Variants in SPATA6L observed in about 807,000 individuals in gnomAD.
SPATA6L encodes the protein spermatogenesis associated 6-like protein.
Under a neutral mutation model 49.2 loss-of-function variants are expected in SPATA6L, and 68 were observed. That is an observed-to-expected ratio of 1.38 (90% CI 1.14 to 1.69). The LOEUF (loss-of-function observed/expected upper bound fraction) is 1.69. Among genes scored for constraint, SPATA6L ranks in the 40% most tolerant of loss-of-function variants. The probability of loss-of-function intolerance (pLI) is 0.00; values close to 1 mark genes in which losing one functional copy is unlikely to be tolerated. For synonymous variants in SPATA6L, 198 were observed against 165.7 expected (o/e 1.19, Z -1.50); for missense variants, 668 against 464.3 (o/e 1.44, Z -4.03).
intron 2 of SPATA6L, among the ~76,000 whole-genome samples, chr9:4,656,748 A>G (rs1467256175): frequency 6.6e-6 from 1 of 152,224 alleles, no homozygotes; most frequent in Non-Finnish European, 1.5e-5. Flanking sequence ...TGTTGCTAAA[A>G]GCCCATCTTA....
intron 3 of SPATA6L, among the ~76,000 whole-genome samples, chr9:4,646,882 C>T (rs1835502787): frequency 1.3e-5 from 2 of 152,008 alleles, no homozygotes; most frequent in Non-Finnish European, 2.9e-5. Flanking sequence ...AACTCATGGA[C>T]ACACAGAGGG....
chr9:4,590,958 G>T (rs2129936708), intron 13 of SPATA6L, among the ~76,000 whole-genome samples: 1 of 152,230 alleles, frequency 6.6e-6, no homozygotes, highest in South Asian at 2.1e-4. Context: ...TTCGCTTCGG[G>T]GCACTTGAGG....
chr9:4,648,447 C>T (rs1360640968), intron 3 of SPATA6L, among the ~76,000 whole-genome samples: 1 of 152,040 alleles, frequency 6.6e-6, no homozygotes, highest in African/African-American at 2.4e-5. Context: ...CGCCTGTAAT[C>T]CCAGCACTTT....
chr9:4,599,753 T>A lies in SPATA6L; in HGVS notation c.*1058A>T, dbSNP rs1822777706. Reference sequence around the variant, plus strand: ...AATCTCATTTATGAGGGGTCCACCCTCACAACCTCATCACCTCCCAAAAGG... The same window carrying A: ...AATCTCATTTATGAGGGGTCCACCCACACAACCTCATCACCTCCCAAAAGG... On this transcript the variant is annotated 3_prime_UTR_variant, in exon 12 of 12. Transcript: ENST00000682582. 6.6e-6 allele frequency among the ~76,000 whole-genome samples: 1 copy of A among 152,200 alleles called. No homozygotes were observed. The highest frequency in any genetic ancestry group is 2.1e-4 in the South Asian group (1 of 4,834).
chr9:4,657,142 A>C, intron 2 of SPATA6L, among the ~76,000 whole-genome samples: 1 of 152,328 alleles, frequency 6.6e-6, no homozygotes, highest in East Asian at 1.9e-4. Flanking sequence ...GCCCTAAGAA[A>C]AACAAAACAT....
At chr9:4,641,319 T>A (rs897045181) in intron 3 of SPATA6L, among the ~76,000 whole-genome samples, 10 of 152,106 alleles carry the variant, frequency 6.6e-5, no homozygotes, top group African/African-American at 2.4e-4. Context: ...GATATGAAAA[T>A]ATCCATGAAT....
At chr9:4,661,758 G>GGTTTTGCTTCAAGGCCGACTGCT in intron 2 of SPATA6L, 141 bp downstream of exon 2, 5 of 1,102,586 alleles carry the variant, frequency 4.5e-6, no homozygotes, top group South Asian at 3.7e-5. Context: ...TTCCGACTGC[G>GGTTTTGCTTCAAGGCCGACTGCT]GTTTTGCATT....
chr9:4,647,685 A>G (rs1423473908), intron 3 of SPATA6L, among the ~76,000 whole-genome samples: 1 of 152,130 alleles, frequency 6.6e-6, no homozygotes, highest in African/African-American at 2.4e-5. Flanking sequence ...ACCTATGTAG[A>G]ATGACAAGAA....
At chr9:4,590,257 G>C (rs1365286743) in intron 13 of SPATA6L, among the ~76,000 whole-genome samples, 1 of 152,132 alleles carries the variant, frequency 6.6e-6, no homozygotes, top group Non-Finnish European at 1.5e-5. Context: ...ATGGAATTGG[G>C]TGAGTGTACC....
chr9:4,646,053 T>G (rs1008453680), intron 3 of SPATA6L, among the ~76,000 whole-genome samples: 1 of 152,106 alleles, frequency 6.6e-6, no homozygotes, highest in African/African-American at 2.4e-5. Context: ...GCCTACAGGC[T>G]GGATTTGGCT....
At chr9:4,628,328 T>C (rs573744555) in intron 5 of SPATA6L, 1 of 159,754 alleles carries the variant, frequency 6.3e-6, no homozygotes, top group Non-Finnish European at 1.4e-5. Flanking sequence ...ATGTGATTAT[T>C]ACATACTGTA....
At position 4,598,434 on chromosome 9, in the gene SPATA6L, G is replaced by A. The variant is rs1283629898; in HGVS notation, c.*2377C>T. On this transcript the variant is annotated 3_prime_UTR_variant, in exon 12 of 12. Coordinates refer to ENST00000682582, the MANE Select transcript of SPATA6L (RefSeq NM_001353486.2). ...GCAAAATACTTCAACTGCAATCCTT[G>A]CCCCAGCATGATTCCTCAAAATTGA... Among the ~76,000 whole-genome samples, 2 of 152,094 alleles carry A rather than the reference G, an allele frequency of 1.3e-5. No homozygotes were observed. Among genetic ancestry groups the A allele is most frequent in the African/African-American group, 4.8e-5 (2 of 41,476 alleles).
intron 2 of SPATA6L, among the ~76,000 whole-genome samples, chr9:4,659,799 C>G (rs1839182750): frequency 6.6e-6 from 1 of 152,164 alleles, no homozygotes; most frequent in Non-Finnish European, 1.5e-5. Context: ...CTACAGTAAC[C>G]AAAACAGCAC....
At chr9:4,658,369 A>G (rs369733) in intron 2 of SPATA6L, among the ~76,000 whole-genome samples, 92,529 of 152,082 alleles carry the variant, frequency 0.61, 29,523 homozygotes, top group African/African-American at 0.81. Context: ...TCCGAGGAAA[A>G]GAAAATTTTT....
intron 2 of SPATA6L, 29 bp from the exon 3 acceptor site, chr9:4,656,118 T>C (rs1405832488): frequency 6.3e-7 from 1 of 1,594,508 alleles, no homozygotes; most frequent in African/African-American, 1.3e-5. Flanking sequence ...AAAATAAATT[T>C]TCAAAGTTGT....
At chr9:4,654,921 G>C (rs557570351) in intron 3 of SPATA6L, among the ~76,000 whole-genome samples, 1 of 152,220 alleles carries the variant, frequency 6.6e-6, no homozygotes, top group African/African-American at 2.4e-5. Flanking sequence ...TGGAGCCCTA[G>C]CCAGGGACCA....
At chr9:4,635,453 A>G (rs1011169160) in intron 3 of SPATA6L, 54 bp from the exon 4 acceptor site, 13 of 1,529,436 alleles carry the variant, frequency 8.5e-6, no homozygotes, top group Non-Finnish European at 9.6e-6. Flanking sequence ...TCCAGGCTTA[A>G]CAAAATAAAA....
intron 4 of SPATA6L, chr9:4,633,131 G>A (rs945467984): frequency 6.5e-6 from 1 of 153,716 alleles, no homozygotes; most frequent in African/African-American, 2.4e-5. Context: ...TATGGCCACA[G>A]AAGTTACTAC....
intron 3 of SPATA6L, among the ~76,000 whole-genome samples, chr9:4,650,990 C>T (rs1251390346): frequency 6.6e-6 from 1 of 152,092 alleles, no homozygotes; most frequent in Non-Finnish European, 1.5e-5. Context: ...GCATGAGCCA[C>T]CGTGCCCGGC....
Sources: gnomAD v4.1 joint callset for allele counts (sites outside exome capture counted in the v4.1 genomes callset) on GRCh38, gnomAD v4.1.1 for gene constraint, MANE v1.5 for transcripts, NCBI Gene and HGNC (gene_info 2026-07-23, HGNC 2026-07-21) for gene names.